Variants in OGG1 observed in about 807,000 individuals in gnomAD.
The protein encoded by OGG1 is N-glycosylase/DNA lyase.
OGG1 carries 35 observed loss-of-function variants against 42.3 expected under a neutral mutation model. The observed-to-expected ratio is 0.83, with a 90% confidence interval of 0.63 to 1.10. The LOEUF is 1.10. Ranked by LOEUF, OGG1 falls within the 50% of genes least tolerant of loss-of-function variation. The pLI is 0.00. For synonymous variants in OGG1, 189 were observed against 179.0 expected (o/e 1.06, Z -0.44); for missense variants, 484 against 446.7 (o/e 1.08, Z -0.75).
chr3:9,763,416 A>C lies in OGG1; in HGVS notation c.1049-2393A>C, dbSNP rs916658115. 335 of 199,686 alleles carry C rather than the reference A, an allele frequency of 1.7e-3. 1 individual carries two copies. Among genetic ancestry groups the C allele is most frequent in the Non-Finnish European group, 2.6e-3 (288 of 111,714 alleles). 12.4% of individuals were successfully genotyped at this position (199,686 alleles called of 1,614,324 possible). ...AAGACCCTGTCTCAAAAAAAAAAAA[A>C]AAAAAACAGCGGTTTAGAGCTCAGG... On this transcript the variant is annotated intron_variant, in intron 7 of 7. Coordinates refer to the OGG1 transcript ENST00000302008.
intron 2 of OGG1, among the ~76,000 whole-genome samples, chr3:9,779,274 G>C (rs2125611528): frequency 6.6e-6 from 1 of 152,288 alleles, no homozygotes; most frequent in African/African-American, 2.4e-5. Flanking sequence ...TGAGGAATGG[G>C]CATGTGAGAC....
chr3:9,765,460 T>A (rs1323104058), intron 7 of OGG1, among the ~76,000 whole-genome samples: 1 of 152,110 alleles, frequency 6.6e-6, no homozygotes, highest in Non-Finnish European at 1.5e-5. Context: ...CAACACCAAC[T>A]GAGATATGTG....
intron 2 of OGG1, among the ~76,000 whole-genome samples, chr3:9,779,175 G>T (rs1456328660): frequency 1.3e-5 from 2 of 151,988 alleles, no homozygotes; most frequent in South Asian, 4.1e-4. Context: ...GATCTTGTTG[G>T]GTTTTACTCT....
At chr3:9,770,151 C>G (rs950149121), downstream of OGG1, among the ~76,000 whole-genome samples, 8 of 152,220 alleles carry the variant, frequency 5.3e-5, no homozygotes, top group African/African-American at 1.9e-4. Flanking sequence ...TAAGCGGGGT[C>G]CATTTCACAG....
chr3:9,764,992 C>T (rs1016274829), intron 7 of OGG1, among the ~76,000 whole-genome samples: 3 of 151,628 alleles, frequency 2.0e-5, no homozygotes, highest in South Asian at 4.2e-4. Flanking sequence ...TTTGGGAGGC[C>T]GAGGCGGGTG....
At chr3:9,789,737 A>G, downstream of OGG1, 1 of 1,613,482 alleles carries the variant, frequency 6.2e-7, no homozygotes, top group East Asian at 2.2e-5. Context: ...ATTTTTGGGG[A>G]TCCGTGGCAC....
rs752504133 is a variant in OGG1, at chr3:9,750,379, T to A, written c.93T>A (p.Ser31=). The change falls in exon 1 of 7, where the codon TCT becomes TCA. Residue 31 remains serine, a synonymous_variant. Transcript: ENST00000344629. ...ALWASIPCPR[S]ELRLDLVLPS... ...GGGCCTCCATCCCGTGCCCTCGCTC[T>A]GAGCTGCGCCTGGACCTGGTTCTGC... 2 of 1,613,986 alleles carry A rather than the reference T, an allele frequency of 1.2e-6. No homozygotes were observed. The highest frequency in any genetic ancestry group is 4.5e-5 in the East Asian group (2 of 44,878).
rs753202180 is a variant in OGG1 at position 9,750,291 on chromosome 3, C to G, written c.5C>G (p.Pro2Arg). The G allele has an allele frequency of 1.9e-6, 3 of 1,610,348 alleles. No individual in the cohort carries two copies. The highest frequency in any genetic ancestry group is 2.7e-5 in the African/African-American group (2 of 74,868). The part of the protein sequence containing the change: M[P>R]ARALLPRRMG... ...GGGGCGGTGCCTGCTGTGGAAATGC[C>G]TGCCCGCGCGCTTCTGCCCAGGCGC... Residue 2 changes from proline to arginine, a missense_variant, in exon 1 of 7, where the codon CCT becomes CGT. Transcript: ENST00000344629.
chr3:9,753,141 C>T (rs138124298), intron 3 of OGG1, among the ~76,000 whole-genome samples: 4 of 151,730 alleles, frequency 2.6e-5, no homozygotes, highest in African/African-American at 7.3e-5. Context: ...CACCTGAGGT[C>T]GGGAGTTTGA....
In OGG1 at chr3:9,751,663, C is replaced by T. The variant is rs578132367; in HGVS notation, c.386-107C>T. 2.5e-4 allele frequency: 261 copies of T among 1,025,206 alleles called. 1 individual carries two copies. The highest frequency in any genetic ancestry group is 5.8e-4 in the South Asian group (46 of 78,736). 63.5% of individuals were successfully genotyped at this position (1,025,206 alleles called of 1,614,324 possible). A position where few individuals can be genotyped will look rare whatever the true frequency, so the allele number is the denominator to read the frequency against. On this transcript the variant is annotated intron_variant, in intron 2 of 6. Coordinates refer to ENST00000344629, the MANE Select transcript of OGG1 (RefSeq NM_002542.6). ...CTCTAACGGTGCTGACTCTCATTCT[C>T]CTGGGATCCTCCTGGAGTTTTGGTA... is the stretch of plus-strand genomic sequence containing the variant.
rs777712908 is a variant in OGG1 at position 9,784,233 on chromosome 3, C to T, written c.382+2633C>T. ...GGCACACTGCAGCGGGAGGCAGGCC[C>T]GTCAGACTCAAGAGCCAGCTTGGAG... is the stretch of plus-strand genomic sequence containing the variant. On this transcript the variant is annotated intron_variant, in intron 3 of 3. Coordinates refer to the OGG1 transcript ENST00000426518. The T allele has an allele frequency of 8.8e-6, 14 of 1,591,118 alleles. No homozygotes were observed. In the East Asian group the frequency reaches 9.0e-5, roughly 10 times the overall value.
chr3:9,773,036 C>G (rs2078320566), intron 2 of OGG1, among the ~76,000 whole-genome samples: 1 of 152,062 alleles, frequency 6.6e-6, no homozygotes, highest in Non-Finnish European at 1.5e-5. Context: ...TAAGACCAGC[C>G]TGGCCAACGT....
chr3:9,784,053 G>A lies in OGG1; in HGVS notation c.382+2453G>A, dbSNP rs759684453. Reference sequence around the variant, plus strand: ...CTCAGCAGGTCGTGCTTCTTGGTGCGGTTGTGGGCACTAAGTGCCTTCAGC... The same window carrying A: ...CTCAGCAGGTCGTGCTTCTTGGTGCAGTTGTGGGCACTAAGTGCCTTCAGC... On this transcript the variant is annotated intron_variant, in intron 3 of 3. Transcript: ENST00000426518. 9 of 1,614,082 alleles carry A rather than the reference G, an allele frequency of 5.6e-6. No individual in the cohort carries two copies. The Admixed American group carries it at 6.7e-5, about 12-fold the overall frequency.
rs112652079 is a variant in OGG1, at chr3:9,785,258, G to C, written c.383-2470G>C. ...ATGAGGACTTCCCCAGGTTGAGATG[G>C]AGAGAAGCCAACAGAAGCGGGGGCC... On this transcript the variant is annotated intron_variant, in intron 3 of 3. Transcript: ENST00000426518. 185 of 1,398,544 alleles carry C rather than the reference G, an allele frequency of 1.3e-4. 1 individual carries two copies. The African/African-American group carries it at 2.2e-3, about 17-fold the overall frequency. The allele number at this position is 1,398,544 out of a possible 1,614,324, so 86.6% of individuals were successfully genotyped here.
downstream of OGG1, chr3:9,766,747 T>G: frequency 1.8e-6 from 1 of 565,144 alleles, no homozygotes; most frequent in Non-Finnish European, 2.3e-6. Context: ...AAAGCATCTC[T>G]CGTGGTGAAA....
intron 3 of OGG1, among the ~76,000 whole-genome samples, chr3:9,781,993 C>A (rs1388644846): frequency 6.6e-6 from 1 of 151,958 alleles, no homozygotes; most frequent in Non-Finnish European, 1.5e-5. Flanking sequence ...TGCCACCATG[C>A]CTAGCTGATT....
At chr3:9,780,716 C>CTTAAA (rs1338947197) in intron 2 of OGG1, among the ~76,000 whole-genome samples, 1 of 152,212 alleles carries the variant, frequency 6.6e-6, no homozygotes, top group Admixed American at 6.5e-5. Flanking sequence ...ATGGCACTAT[C>CTTAAA]TTAAGCTCCT....
chr3:9,767,606 A>G (rs1177167617), downstream of OGG1: 7 of 1,604,214 alleles, frequency 4.4e-6, no homozygotes, highest in Non-Finnish European at 5.1e-6. Flanking sequence ...GACCAGAGGA[A>G]GCCCCACCCT....
intron 2 of OGG1, among the ~76,000 whole-genome samples, chr3:9,772,122 T>G (rs1200860849): frequency 6.6e-6 from 1 of 152,214 alleles, no homozygotes; most frequent in Non-Finnish European, 1.5e-5. Context: ...CCAGCTGACT[T>G]GTACAGCTTC....
Sources: allele counts gnomAD v4.1 joint callset (sites outside exome capture counted in the v4.1 genomes callset), GRCh38; gene constraint gnomAD v4.1.1; transcripts MANE v1.5; gene names NCBI Gene and HGNC (gene_info 2026-07-23, HGNC 2026-07-21).